Variants in ZNF716 observed in about 807,000 individuals in gnomAD.
ZNF716 encodes zinc finger protein 716.
In ZNF716, 9 loss-of-function variants were observed where a neutral mutation model predicts 13.4. The ratio of observed to expected loss-of-function variants is 0.67; its 90% CI spans 0.41 to 1.18. The LOEUF (loss-of-function observed/expected upper bound fraction) is 1.18. Among genes scored for constraint, ZNF716 ranks in the 50% most tolerant of loss-of-function variants. The probability of loss-of-function intolerance (pLI) is 0.01; values close to 1 mark genes in which losing one functional copy is unlikely to be tolerated. For synonymous variants in ZNF716, 186 were observed against 195.2 expected (o/e 0.95, Z 0.39); for missense variants, 581 against 576.6 (o/e 1.01, Z -0.08).
intron 3 of ZNF716, among the ~76,000 whole-genome samples, chr7:57,467,155 T>G (rs1789831823): frequency 6.6e-6 from 1 of 152,106 alleles, no homozygotes; most frequent in Non-Finnish European, 1.5e-5. Flanking sequence ...AAAAATTTAT[T>G]CTCATTATAT....
chr7:57,458,467 G>C (rs766287493), intron 1 of ZNF716, among the ~76,000 whole-genome samples: 1 of 150,696 alleles, frequency 6.6e-6, no homozygotes, highest in Non-Finnish European at 1.5e-5. Flanking sequence ...TTTTCGTCCA[G>C]ACTGGAGTAC....
At chr7:57,451,812 G>T (rs1789503022) in intron 1 of ZNF716, among the ~76,000 whole-genome samples, 1 of 149,942 alleles carries the variant, frequency 6.7e-6, no homozygotes, top group Non-Finnish European at 1.5e-5. Context: ...TGTGGCCCAG[G>T]CTGGAATGCA....
At chr7:57,459,957 A>G (rs553285384) in intron 1 of ZNF716, among the ~76,000 whole-genome samples, 2 of 151,758 alleles carry the variant, frequency 1.3e-5, no homozygotes, top group Admixed American at 6.6e-5. Context: ...GCAGGTGAAT[A>G]GGTTGTGCTT....
In ZNF716 at chr7:57,458,010, G is replaced by A. The variant is rs542372884; in HGVS notation, c.40-4450G>A. On this transcript the variant is annotated intron_variant, in intron 1 of 3. Transcript: ENST00000420713. ...TGTTGTTCTTTCTTATAACTGCATC[G>A]TATTTCATGGTCTTTATGTACCACA... is the stretch of plus-strand genomic sequence containing the variant. 1.7e-4 allele frequency among the ~76,000 whole-genome samples: 26 copies of A among 152,212 alleles called. No individual in the cohort carries two copies. In the Middle Eastern group the frequency reaches 0.01, roughly 60 times the overall value.
At position 57,470,136 on chromosome 7, in the gene ZNF716, C is replaced by A; in HGVS notation, c.*187C>A. 1.6e-6 allele frequency: 1 copy of A among 609,652 alleles called. No homozygotes were observed. Among genetic ancestry groups the A allele is most frequent in the Non-Finnish European group, 2.6e-6 (1 of 389,078 alleles). 37.8% of individuals were successfully genotyped at this position (609,652 alleles called of 1,614,324 possible). A position where few individuals can be genotyped will look rare whatever the true frequency, so the allele number is the denominator to read the frequency against. On this transcript the variant is annotated 3_prime_UTR_variant, in exon 4 of 4. Coordinates refer to ENST00000420713, the MANE Select transcript of ZNF716 (RefSeq NM_001159279.1). ...AAAAAGTAACAGCCTTTAACCACCC[C>A]TCAAACCTTAATGAACCCAAGAGAA...
At position 57,465,541 on chromosome 7, in the gene ZNF716, G is replaced by A. The variant is rs76301171; in HGVS notation, c.262+2373G>A. 0.018 allele frequency among the ~76,000 whole-genome samples: 2,663 copies of A among 151,894 alleles called. 171 individuals carry two copies. In the East Asian group the frequency reaches 0.24, roughly 14 times the overall value. ...CTAATTTTTAACTATTTGTAAAGAC[G>A]GTCTCACTGTGTTTCCAAGGCTGGT... On this transcript the variant is annotated intron_variant, in intron 3 of 3. Transcript: ENST00000420713.
In ZNF716 at chr7:57,469,900, C is replaced by A; in HGVS notation, c.1439C>A (p.Ala480Asp). ...ACTTTTAAGTGGCATTCAAGTCTTG[C>A]TAATCATAAGAATATGCATACTGGA... is the stretch of plus-strand genomic sequence containing the variant. Reference protein sequence around the residue: ...DQTFKWHSSLANHKNMHTGEK... With the variant: ...DQTFKWHSSLDNHKNMHTGEK... The change falls in exon 4 of 4, where the codon GCT (alanine) becomes GAT (aspartate). Residue 480 changes from alanine to aspartate, a missense_variant. Transcript: ENST00000420713. 1.3e-6 allele frequency: 2 copies of A among 1,585,772 alleles called. No individual in the cohort carries two copies. Among genetic ancestry groups the A allele is most frequent in the Non-Finnish European group, 1.7e-6 (2 of 1,165,052 alleles).
At chr7:57,460,459 T>C (rs1423262955) in intron 1 of ZNF716, among the ~76,000 whole-genome samples, 1 of 151,696 alleles carries the variant, frequency 6.6e-6, no homozygotes, top group Non-Finnish European at 1.5e-5. Context: ...GTTCGGAACT[T>C]GCAAATTTTT....
chr7:57,458,718 G>T (rs529453665), intron 1 of ZNF716, among the ~76,000 whole-genome samples: 2 of 152,272 alleles, frequency 1.3e-5, no homozygotes, highest in African/African-American at 4.8e-5. Flanking sequence ...ACTGTGCCCG[G>T]CCCATTGAGC....
rs112105134 is a variant in ZNF716, at chr7:57,453,326, T to C, written c.39+2999T>C. On this transcript the variant is annotated intron_variant, in intron 1 of 3. Coordinates refer to ENST00000420713, the MANE Select transcript of ZNF716 (RefSeq NM_001159279.1). ...GCGCATGGGAGACTCTCTCAAGTGA[T>C]TGGACGGTTTGATTTGACACATGAG... Among the ~76,000 whole-genome samples the C allele has an allele frequency of 1.8e-4, 28 of 152,298 alleles. 1 individual carries two copies. Among genetic ancestry groups the C allele is most frequent in the African/African-American group, 5.8e-4 (24 of 41,560 alleles).
Position 57,455,472 on chromosome 7 carries a change from G to T in ZNF716, c.39+5145G>T, listed in dbSNP as rs116114699. Among the ~76,000 whole-genome samples, 1,069 of 152,234 alleles carry T rather than the reference G, an allele frequency of 7.0e-3. 20 individuals are homozygous for T. Among genetic ancestry groups the T allele is most frequent in the African/African-American group, 0.024 (1,002 of 41,558 alleles). ...CATCTAAGTCATAATAGGAAAAAATGTTTCTCTTAAGCTGTTGGTGAAGAC... is the reference window on the plus strand; with the variant it reads ...CATCTAAGTCATAATAGGAAAAAATTTTTCTCTTAAGCTGTTGGTGAAGAC... On this transcript the variant is annotated intron_variant, in intron 1 of 3. Coordinates refer to ENST00000420713, the MANE Select transcript of ZNF716 (RefSeq NM_001159279.1).
In ZNF716 at chr7:57,469,185, A is replaced by G. The variant is rs782556678; in HGVS notation, c.724A>G (p.Arg242Gly). 12 of 1,612,566 alleles carry G rather than the reference A, an allele frequency of 7.4e-6. No individual in the cohort carries two copies. Among genetic ancestry groups the G allele is most frequent in the Admixed American group, 1.7e-5 (1 of 59,718 alleles). The change falls in exon 4 of 4, where the codon AGA (arginine) becomes GGA (glycine). Residue 242 changes from arginine to glycine, a missense_variant. Transcript: ENST00000420713. ...KRIHTGEKPY[R>G]CEECGKAFSW... Reference sequence around the variant, plus strand: ...AATTCATACTGGAGAGAAACCCTACAGATGTGAGGAATGTGGCAAAGCTTT... The same window carrying G: ...AATTCATACTGGAGAGAAACCCTACGGATGTGAGGAATGTGGCAAAGCTTT...
chr7:57,468,629 C>A, intron 3 of ZNF716, 95 bp from the exon 4 acceptor site: 1 of 1,276,684 alleles, frequency 7.8e-7, no homozygotes, highest in Non-Finnish European at 1.1e-6. Context: ...TGCCATTTTG[C>A]TAATGTACTT....
At chr7:57,457,247 G>A (rs1401950760) in intron 1 of ZNF716, among the ~76,000 whole-genome samples, 1 of 152,154 alleles carries the variant, frequency 6.6e-6, no homozygotes, top group Non-Finnish European at 1.5e-5. Flanking sequence ...CATGGACACA[G>A]GACTAAATCA....
chr7:57,463,601 C>T (rs1789747498), intron 3 of ZNF716, among the ~76,000 whole-genome samples: 1 of 151,936 alleles, frequency 6.6e-6, no homozygotes, highest in Non-Finnish European at 1.5e-5. Flanking sequence ...CTGCACATGC[C>T]ATTCTGTTTT....
chr7:57,463,999 T>C (rs1789758001), intron 3 of ZNF716, among the ~76,000 whole-genome samples: 1 of 152,056 alleles, frequency 6.6e-6, no homozygotes, highest in Non-Finnish European at 1.5e-5. Flanking sequence ...TTGTTTTGTA[T>C]TGTGATTTTG....
chr7:57,450,382 T>C, intron 1 of ZNF716, 55 bp downstream of exon 1: 1 of 1,613,504 alleles, frequency 6.2e-7, no homozygotes, highest in South Asian at 1.1e-5. Flanking sequence ...TGGAACTGAC[T>C]GAAAGTGGCT....
At position 57,462,515 on chromosome 7, in the gene ZNF716, G is replaced by C. The variant is rs782561933; in HGVS notation, c.95G>C (p.Cys32Ser). The change falls in exon 2 of 4, where the codon TGC (cysteine) becomes TCC (serine). Residue 32 changes from cysteine (C) to serine (S), a missense_variant. Physicochemically the swap from Cys to Ser is moderately radical, Grantham distance 112. Coordinates refer to ENST00000420713, the MANE Select transcript of ZNF716 (RefSeq NM_001159279.1). Reference sequence around the variant, plus strand: ...GAATTTTCTCTGGCGGAATGGCAATGCCTGGATCATGCTCAGCAGAATTTA... The same window carrying C: ...GAATTTTCTCTGGCGGAATGGCAATCCCTGGATCATGCTCAGCAGAATTTA... ...AIEFSLAEWQ[C>S]LDHAQQNLYR... The C allele has an allele frequency of 6.2e-7, 1 of 1,613,910 alleles. No individual in the cohort carries two copies. The highest frequency in any genetic ancestry group is 8.5e-7 in the Non-Finnish European group (1 of 1,179,918).
rs782104658 is a variant in ZNF716 at position 57,469,381 on chromosome 7, G to A, written c.920G>A (p.Arg307His). 1.7e-5 allele frequency: 28 copies of A among 1,610,124 alleles called. No individual in the cohort carries two copies. The highest frequency in any genetic ancestry group is 4.5e-5 in the East Asian group (2 of 44,680). Residue 307 changes from arginine (R) to histidine (H), a missense_variant, in exon 4 of 4, where the codon CGC becomes CAC. Coordinates refer to ENST00000420713, the MANE Select transcript of ZNF716 (RefSeq NM_001159279.1). ...TCEECGKAFS[R>H]SSTLTNHKRI... is the part of the protein sequence containing the mutation. ...GAAGAATGTGGCAAAGCCTTTAGCC[G>A]CTCTTCAACACTTACTAACCACAAG... is the stretch of plus-strand genomic sequence containing the variant.
Sources: gnomAD v4.1 joint callset for allele counts (sites outside exome capture counted in the v4.1 genomes callset) on GRCh38, gnomAD v4.1.1 for gene constraint, MANE v1.5 for transcripts, NCBI Gene and HGNC (gene_info 2026-07-23, HGNC 2026-07-21) for gene names.